UBE3A: variants seen among roughly 807,000 people sequenced by gnomAD.
The protein encoded by UBE3A is ubiquitin protein ligase E3A, also known as ubiquitin-protein ligase E3A.
A neutral mutation model predicts 83.4 loss-of-function variants in UBE3A; 6 were observed. The ratio of observed to expected loss-of-function variants is 0.07; its 90% CI spans 0.04 to 0.14. The LOEUF is 0.14. UBE3A is among the 10% of genes least tolerant of loss of function. The pLI is 1.00. For synonymous variants in UBE3A, 337 were observed against 355.4 expected (o/e 0.95, Z 0.58); for missense variants, 456 against 1,036.1 (o/e 0.44, Z 7.69).
At chr15:25,401,881 C>T (rs1371353360) in intron 4 of UBE3A, among the ~76,000 whole-genome samples, 1 of 152,120 alleles carries the variant, frequency 6.6e-6, no homozygotes, top group Non-Finnish European at 1.5e-5. Context: ...GCATTTTCAG[C>T]TTCAGAATTT....
chr15:25,387,066 T>C (rs904473450), intron 4 of UBE3A, among the ~76,000 whole-genome samples: 15 of 152,230 alleles, frequency 9.9e-5, no homozygotes, highest in African/African-American at 3.4e-4. Flanking sequence ...ATGTCAACAA[T>C]TGTGCTTATG....
chr15:25,385,032 T>C (rs2082864642), intron 4 of UBE3A, among the ~76,000 whole-genome samples: 1 of 152,178 alleles, frequency 6.6e-6, no homozygotes, highest in South Asian at 2.1e-4. Flanking sequence ...AAAAGCTTCA[T>C]GACATTGGAC....
chr15:25,403,933 G>A (rs975592950), intron 4 of UBE3A, among the ~76,000 whole-genome samples: 1 of 152,170 alleles, frequency 6.6e-6, no homozygotes, highest in African/African-American at 2.4e-5. Context: ...ATGGTTGTCA[G>A]AGGCTGTGAA....
rs905608365 is a variant in UBE3A at position 25,375,320 on chromosome 15, C to T, written c.361+145G>A. On this transcript the variant is annotated intron_variant, in intron 5 of 12. Transcript: ENST00000648336. ...GACCTGTAAAATGTAGTTATTATTC[C>T]TGTCCGTTACCACAATAAAAAATTG... 4.1e-5 allele frequency: 37 copies of T among 909,592 alleles called. 1 individual carries two copies. In the African/African-American group the frequency reaches 5.6e-4, roughly 14 times the overall value. The allele number at this position is 909,592 out of a possible 1,614,324, so 56.3% of individuals were successfully genotyped here.
At chr15:25,367,085 T>C (rs1044251862) in intron 6 of UBE3A, among the ~76,000 whole-genome samples, 1 of 151,666 alleles carries the variant, frequency 6.6e-6, no homozygotes, top group Non-Finnish European at 1.5e-5. Context: ...TTAAAAAATC[T>C]TAATACATAC....
intron 4 of UBE3A, among the ~76,000 whole-genome samples, chr15:25,390,195 G>A (rs972341548): frequency 6.6e-6 from 1 of 152,172 alleles, no homozygotes; most frequent in Non-Finnish European, 1.5e-5. Flanking sequence ...CATTGCTGGT[G>A]AAAAATGTAA....
At chr15:25,434,967 C>CAT (rs71418045) in intron 1 of UBE3A, among the ~76,000 whole-genome samples, 1,871 of 20,158 alleles carry the variant, frequency 0.093, 45 homozygotes, top group South Asian at 0.18. Flanking sequence ...ATTCTATATA[C>CAT]ATACACACAC....
At position 25,342,582 on chromosome 15, in the gene UBE3A, G is replaced by T. The variant is rs372817868; in HGVS notation, c.2355-2354C>A. Among the ~76,000 whole-genome samples the T allele has an allele frequency of 7.2e-5, 11 of 152,170 alleles. No homozygotes were observed. The East Asian group carries it at 1.3e-3, about 19-fold the overall frequency. On this transcript the variant is annotated intron_variant, in intron 11 of 12. Coordinates refer to ENST00000648336, the MANE Select transcript of UBE3A (RefSeq NM_130839.5). ...AGGTTTCCACATAAAAGTGGTGGCTGTATCGATCACATCCTACTCACATCT... is the reference window on the plus strand; with the variant it reads ...AGGTTTCCACATAAAAGTGGTGGCTTTATCGATCACATCCTACTCACATCT...
rs1018726579 is a variant in UBE3A, at chr15:25,333,804, C to T, written c.*5333G>A. ...AGGAATGCAAAGTTAATTCAATATA[C>T]AAAAGTCCATTAATACAACATATTA... On this transcript the variant is annotated 3_prime_UTR_variant, in exon 13 of 13. Transcript: ENST00000648336. 3.3e-5 allele frequency: 5 copies of T among 151,492 alleles called. No homozygotes were observed. Among genetic ancestry groups the T allele is most frequent in the African/African-American group, 1.2e-4 (5 of 41,218 alleles). 9.4% of individuals were successfully genotyped at this position (151,492 alleles called of 1,614,324 possible).
chr15:25,364,916 G>T (rs958989271), intron 6 of UBE3A, among the ~76,000 whole-genome samples: 1 of 152,050 alleles, frequency 6.6e-6, no homozygotes, highest in African/African-American at 2.4e-5. Context: ...AAAGTGCTGG[G>T]ATTACAGGTG....
chr15:25,387,867 T>C (rs1344095503), intron 4 of UBE3A, among the ~76,000 whole-genome samples: 1 of 152,182 alleles, frequency 6.6e-6, no homozygotes, highest in East Asian at 1.9e-4. Context: ...TTTGGTAACC[T>C]AGATGAAATG....
rs2080354482 is a variant in UBE3A, at chr15:25,371,925, A to G, written c.362-113T>C. On this transcript the variant is annotated intron_variant, in intron 5 of 12. Coordinates refer to ENST00000648336, the MANE Select transcript of UBE3A (RefSeq NM_130839.5). The surrounding 1 kb of genome is among the most constrained non-coding windows in gnomAD (Gnocchi z 5.3). ...AAACATTCTAGGCTCAATATCATTTATGATATACAACTCTTAAAGTATCTA... is the reference window on the plus strand; with the variant it reads ...AAACATTCTAGGCTCAATATCATTTGTGATATACAACTCTTAAAGTATCTA... 1 of 1,050,786 alleles carries G rather than the reference A, an allele frequency of 9.5e-7. No homozygotes were observed. Among genetic ancestry groups the G allele is most frequent in the Non-Finnish European group, 1.4e-6 (1 of 740,106 alleles). The allele number at this position is 1,050,786 out of a possible 1,614,324, so 65.1% of individuals were successfully genotyped here.
rs150879631 is a variant in UBE3A, at chr15:25,392,266, G to T, written c.62+13195C>A. 1.9e-3 allele frequency among the ~76,000 whole-genome samples: 290 copies of T among 152,160 alleles called. 1 individual carries two copies. The highest frequency in any genetic ancestry group is 6.6e-3 in the African/African-American group (274 of 41,518). ...TCACTTTTCACTACTTATTTTACTT[G>T]GCCTTCCTAAGAAATATAGACCTTT... is the stretch of plus-strand genomic sequence containing the variant. On this transcript the variant is annotated intron_variant, in intron 4 of 12. Transcript: ENST00000648336.
At chr15:25,361,126 CTTTT>C (rs10713541) in intron 6 of UBE3A, among the ~76,000 whole-genome samples, 14 of 115,388 alleles carry the variant, frequency 1.2e-4, no homozygotes, top group African/African-American at 2.8e-4. Context: ...TGTCCTTACT[CTTTT>C]TTTTTTTTTT....
At chr15:25,414,681 T>C (rs938860150) in intron 1 of UBE3A, among the ~76,000 whole-genome samples, 6 of 152,236 alleles carry the variant, frequency 3.9e-5, no homozygotes, top group African/African-American at 1.4e-4. Flanking sequence ...AGAGTCTCTC[T>C]CTTTCCCAGT....
intron 11 of UBE3A, among the ~76,000 whole-genome samples, chr15:25,352,412 TA>T (rs750798838): frequency 2.0e-5 from 3 of 152,218 alleles, no homozygotes; most frequent in Non-Finnish European, 4.4e-5. Context: ...ATTATGGCAG[TA>T]AAGTGAGTCA....
At chr15:25,354,930 A>T (rs1006763853) in intron 9 of UBE3A, among the ~76,000 whole-genome samples, 9 of 151,610 alleles carry the variant, frequency 5.9e-5, no homozygotes, top group African/African-American at 2.2e-4. Flanking sequence ...TACACCTACA[A>T]AGAAAACTAC....
chr15:25,352,716 G>A (rs1470853419), intron 11 of UBE3A, among the ~76,000 whole-genome samples: 2 of 152,106 alleles, frequency 1.3e-5, no homozygotes, highest in South Asian at 2.1e-4. Flanking sequence ...TTCAACTACC[G>A]AATACTTGTA....
chr15:25,373,083 G>A (rs2080570667), intron 5 of UBE3A, among the ~76,000 whole-genome samples: 1 of 152,098 alleles, frequency 6.6e-6, no homozygotes, highest in Non-Finnish European at 1.5e-5. Flanking sequence ...TAATTCTCAG[G>A]TTTGTTCTAT....
Sources: gnomAD v4.1 joint callset for allele counts (sites outside exome capture counted in the v4.1 genomes callset) on GRCh38, gnomAD v4.1.1 for gene constraint, Gnocchi (gnomAD v3.1) non-coding constraint, MANE v1.5 for transcripts, NCBI Gene and HGNC (gene_info 2026-07-23, HGNC 2026-07-21) for gene names.